Variants in DLG1 observed in about 807,000 individuals in gnomAD.
DLG1 encodes disks large homolog 1.
Under a neutral mutation model 123.4 loss-of-function variants are expected in DLG1, and 42 were observed. That is an observed-to-expected ratio of 0.34 (90% CI 0.27 to 0.44). The LOEUF (loss-of-function observed/expected upper bound fraction) is 0.44, where lower values mean the gene tolerates loss of function less well. Among genes scored for constraint, DLG1 ranks in the 20% least tolerant of loss-of-function variants. The pLI is 1.00. For missense variants in DLG1, 942 were observed against 1,082.6 expected (o/e 0.87, Z 1.82); for synonymous variants, 317 against 356.2 (o/e 0.89, Z 1.24).
chr3:197,231,993 C>T (rs1313567982), intron 4 of DLG1, among the ~76,000 whole-genome samples: 5 of 147,070 alleles, frequency 3.4e-5, no homozygotes, highest in Non-Finnish European at 6.0e-5. Flanking sequence ...ACCATGAAAC[C>T]GCAATGTACA....
chr3:197,052,994 G>A (rs752893460), intron 23 of DLG1, among the ~76,000 whole-genome samples: 20 of 152,154 alleles, frequency 1.3e-4, no homozygotes, highest in Admixed American at 3.3e-4. Context: ...GTGACTTTTT[G>A]TAAGAAATTA....
intron 5 of DLG1, among the ~76,000 whole-genome samples, chr3:197,168,799 A>C (rs1034197689): frequency 4.6e-5 from 7 of 152,172 alleles, no homozygotes; most frequent in African/African-American, 1.7e-4. Context: ...TGTGACTAGC[A>C]ACGGTCTCAG....
At chr3:197,069,154 C>T (rs976847983) in intron 19 of DLG1, 65 bp downstream of exon 19, 3 of 1,091,326 alleles carry the variant, frequency 2.7e-6, no homozygotes, top group African/African-American at 1.6e-5. Context: ...ACTCAGAATC[C>T]CTCCACCCCT....
rs765433062 is a variant in DLG1 at position 197,104,912 on chromosome 3, G to A, written c.1537C>T (p.Arg513Ter). The A allele has an allele frequency of 1.9e-6, 3 of 1,608,408 alleles. No individual in the cohort carries two copies. The highest frequency in any genetic ancestry group is 2.6e-6 in the Non-Finnish European group (3 of 1,175,656). The change falls in exon 14 of 25, where the codon CGA becomes TGA. Residue 513 changes from arginine (R) to a stop codon, truncating the protein, a stop_gained. Coordinates refer to ENST00000667157, the MANE Select transcript of DLG1 (RefSeq NM_001366207.1). LOFTEE classifies it high-confidence loss of function. ...ATAAGAATGTTATTACCTTCAGGTC[G>A]ATATTGTGCAACAATTGTGACAGCC... ...GQAVTIVAQY[R>*]PEEYSRFEAK...
At chr3:197,111,402 C>T (rs114406350) in intron 13 of DLG1, among the ~76,000 whole-genome samples, 1,820 of 152,212 alleles carry the variant, frequency 0.012, 29 homozygotes, top group African/African-American at 0.039. Context: ...CTAGGCTAAA[C>T]GAAAATTTAT....
chr3:197,201,456 A>G (rs1294391111), intron 4 of DLG1, among the ~76,000 whole-genome samples: 1 of 152,266 alleles, frequency 6.6e-6, no homozygotes, highest in African/African-American at 2.4e-5. Flanking sequence ...AAATGAATTC[A>G]GTAAAGTTTC....
intron 3 of DLG1, among the ~76,000 whole-genome samples, chr3:197,288,496 C>G (rs1283719896): frequency 6.6e-6 from 1 of 150,432 alleles, no homozygotes; most frequent in Non-Finnish European, 1.5e-5. Context: ...CTGAGGCGGG[C>G]GGATCACCTG....
chr3:197,153,640 A>C (rs1228202820), intron 5 of DLG1, among the ~76,000 whole-genome samples: 1 of 152,178 alleles, frequency 6.6e-6, no homozygotes, highest in Non-Finnish European at 1.5e-5. Flanking sequence ...GGAGATTGAA[A>C]GAGCTGGAGG....
intron 14 of DLG1, among the ~76,000 whole-genome samples, chr3:197,097,415 G>T (rs1761182376): frequency 6.6e-6 from 1 of 151,880 alleles, no homozygotes; most frequent in East Asian, 1.9e-4. Flanking sequence ...TTAATACCTT[G>T]TTTACATCAG....
At chr3:197,070,564 CATTT>C (rs1743014583) in intron 18 of DLG1, 3 of 44,926 alleles carry the variant, frequency 6.7e-5, no homozygotes, top group Non-Finnish European at 1.0e-4. Flanking sequence ...CTGGAAATTT[CATTT>C]TTTTTTTTTT....
intron 17 of DLG1, 68 bp downstream of exon 17, chr3:197,080,983 A>G (rs922016058): frequency 3.4e-5 from 48 of 1,426,344 alleles, no homozygotes; most frequent in Non-Finnish European, 4.1e-5. Context: ...CTGATAGCAA[A>G]ATCCTTTTCA....
chr3:197,066,663 T>A, intron 20 of DLG1, 41 bp downstream of exon 20: 1 of 1,461,002 alleles, frequency 6.8e-7, no homozygotes, highest in Non-Finnish European at 9.3e-7. Flanking sequence ...AAAAAGTATA[T>A]TCTTCTAGAA....
At chr3:197,179,309 G>T (rs760150708) in intron 5 of DLG1, among the ~76,000 whole-genome samples, 15 of 152,240 alleles carry the variant, frequency 9.9e-5, no homozygotes, top group Non-Finnish European at 1.6e-4. Context: ...TCATCTACAC[G>T]TGACTGGTTT....
chr3:197,107,343 G>C (rs781411821), intron 13 of DLG1, among the ~76,000 whole-genome samples: 9 of 152,164 alleles, frequency 5.9e-5, no homozygotes, highest in Non-Finnish European at 1.2e-4. Context: ...AGGAGATCGA[G>C]ACCTTCCTGG....
intron 17 of DLG1, chr3:197,080,709 G>C (rs1212662231): frequency 1.2e-5 from 2 of 167,902 alleles, no homozygotes; most frequent in Non-Finnish European, 2.6e-5. Context: ...TGATCTGCCT[G>C]ACTTGGCCTC....
chr3:197,055,001 G>A (rs1474819944), intron 23 of DLG1, among the ~76,000 whole-genome samples: 2 of 152,164 alleles, frequency 1.3e-5, no homozygotes, highest in Non-Finnish European at 2.9e-5. Flanking sequence ...TTTTAGTAGA[G>A]ATGGGGTTTT....
At chr3:197,126,346 C>G (rs957317353) in intron 11 of DLG1, among the ~76,000 whole-genome samples, 5 of 151,898 alleles carry the variant, frequency 3.3e-5, no homozygotes, top group Non-Finnish European at 4.4e-5. Context: ...CGTGGTGGCG[C>G]ATGCCTGTAA....
intron 7 of DLG1, among the ~76,000 whole-genome samples, chr3:197,141,131 C>T (rs1485829996): frequency 1.3e-5 from 2 of 152,210 alleles, no homozygotes; most frequent in Non-Finnish European, 2.9e-5. Flanking sequence ...TATCATTTAA[C>T]TGTTAGTATT....
intron 4 of DLG1, among the ~76,000 whole-genome samples, chr3:197,214,990 T>C (rs1427234241): frequency 6.6e-6 from 1 of 152,200 alleles, no homozygotes; most frequent in Non-Finnish European, 1.5e-5. Flanking sequence ...GAAACTCTAA[T>C]ACAGGTAAAA....
Sources: allele counts gnomAD v4.1 joint callset (sites outside exome capture counted in the v4.1 genomes callset), GRCh38; gene constraint gnomAD v4.1.1; transcripts MANE v1.5; gene names NCBI Gene and HGNC (gene_info 2026-07-23, HGNC 2026-07-21).